The following C12orf42 variants were observed in gnomAD, a reference collection of about 807,000 sequenced individuals.
The protein encoded by C12orf42 is chromosome 12 open reading frame 42, also known as uncharacterized protein C12orf42.
A neutral mutation model predicts 21.6 loss-of-function variants in C12orf42; 25 were observed. That is an observed-to-expected ratio of 1.16 (90% CI 0.84 to 1.62). The LOEUF (loss-of-function observed/expected upper bound fraction) is 1.62. Among genes scored for constraint, C12orf42 ranks in the 40% most tolerant of loss-of-function variants. The pLI is 0.00. For synonymous variants in C12orf42, 174 were observed against 175.0 expected (o/e 0.99, Z 0.05); for missense variants, 483 against 459.3 (o/e 1.05, Z -0.47).
intron 3 of C12orf42, among the ~76,000 whole-genome samples, chr12:103,388,177 G>T (rs992101537): frequency 2.0e-5 from 3 of 152,198 alleles, no homozygotes; most frequent in Non-Finnish European, 4.4e-5. Context: ...AGAAGGGGGG[G>T]TGATAACTCT....
intron 4 of C12orf42, among the ~76,000 whole-genome samples, chr12:103,356,068 T>C (rs1482776255): frequency 6.6e-6 from 1 of 152,080 alleles, no homozygotes; most frequent in Admixed American, 6.6e-5. Flanking sequence ...TAATTAGGAA[T>C]TCAAACTTAA....
chr12:103,386,071 A>T (rs1332265723), intron 3 of C12orf42, among the ~76,000 whole-genome samples: 1 of 152,142 alleles, frequency 6.6e-6, no homozygotes, highest in East Asian at 1.9e-4. Context: ...TCCCACAACA[A>T]CCGTATTAGG....
At chr12:103,433,944 T>C (rs946081813) in intron 2 of C12orf42, among the ~76,000 whole-genome samples, 12 of 152,212 alleles carry the variant, frequency 7.9e-5, no homozygotes, top group African/African-American at 2.7e-4. Flanking sequence ...CCTGAAGAAT[T>C]TGTGAATAAA....
chr12:103,220,421 G>GA, the C12orf42 span, among the ~76,000 whole-genome samples: 18 of 151,872 alleles, frequency 1.2e-4, no homozygotes, highest in Non-Finnish European at 2.1e-4. Flanking sequence ...AGAAAAGGGA[G>GA]AAAGACTGAC....
chr12:103,462,322 G>A (rs1952791336), intron 2 of C12orf42, among the ~76,000 whole-genome samples: 1 of 151,580 alleles, frequency 6.6e-6, no homozygotes. Flanking sequence ...TGTTGGCCAG[G>A]CTGGTCTCGA....
chr12:103,345,205 C>T (rs2042509379), intron 4 of C12orf42, among the ~76,000 whole-genome samples: 1 of 152,142 alleles, frequency 6.6e-6, no homozygotes, highest in Non-Finnish European at 1.5e-5. Context: ...CAGTCATCAA[C>T]ATAAAGCATC....
chr12:103,456,708 A>G (rs564022615), intron 2 of C12orf42, among the ~76,000 whole-genome samples: 1 of 152,166 alleles, frequency 6.6e-6, no homozygotes, highest in Non-Finnish European at 1.5e-5. Flanking sequence ...ATGAAAATCA[A>G]CTATTGCTTA....
chr12:103,166,830 T>A, the C12orf42 span, among the ~76,000 whole-genome samples: 2 of 151,654 alleles, frequency 1.3e-5, no homozygotes, highest in African/African-American at 4.8e-5. Context: ...TTCATCCATC[T>A]TTTTTTTTCC....
At chr12:103,150,640 G>C in the C12orf42 span, among the ~76,000 whole-genome samples, 2 of 152,120 alleles carry the variant, frequency 1.3e-5, no homozygotes, top group Admixed American at 1.3e-4. Context: ...TGGCCCAAGA[G>C]ATTCCTGCTA....
the C12orf42 span, among the ~76,000 whole-genome samples, chr12:103,555,868 C>A: frequency 1.3e-5 from 2 of 152,052 alleles, no homozygotes; most frequent in African/African-American, 2.4e-5. Context: ...ACCTCACCCC[C>A]ACCTGCCACC....
chr12:103,116,767 A>C, the C12orf42 span, among the ~76,000 whole-genome samples: 1 of 152,122 alleles, frequency 6.6e-6, no homozygotes, highest in East Asian at 1.9e-4. Flanking sequence ...GTAGGAAGGT[A>C]TTTTTCTCCC....
chr12:103,272,118 T>C (rs367955002), intron 5 of C12orf42, among the ~76,000 whole-genome samples: 2 of 152,140 alleles, frequency 1.3e-5, no homozygotes, highest in East Asian at 3.9e-4. Context: ...AAGGAGGTGA[T>C]ATGGAAATAG....
At chr12:103,541,632 A>C in the C12orf42 span, among the ~76,000 whole-genome samples, 1 of 152,178 alleles carries the variant, frequency 6.6e-6, no homozygotes, top group Non-Finnish European at 1.5e-5. Flanking sequence ...TGTTTTTATC[A>C]TTATTTTAAA....
At chr12:103,243,411 C>A (rs2033850764) in intron 10 of C12orf42, among the ~76,000 whole-genome samples, 1 of 151,998 alleles carries the variant, frequency 6.6e-6, no homozygotes, top group Non-Finnish European at 1.5e-5. Context: ...CATTCCCATG[C>A]TATATATGCC....
the C12orf42 span, among the ~76,000 whole-genome samples, chr12:103,229,755 T>A: frequency 6.6e-6 from 1 of 152,270 alleles, no homozygotes; most frequent in African/African-American, 2.4e-5. Context: ...TTTTTACTTT[T>A]ATTCTTCTAT....
chr12:103,478,931 A>T (rs553492361), intron 1 of C12orf42, among the ~76,000 whole-genome samples: 1 of 152,294 alleles, frequency 6.6e-6, no homozygotes, highest in African/African-American at 2.4e-5. Flanking sequence ...GGGGATTTTG[A>T]TGTGAACAAT....
intron 4 of C12orf42, among the ~76,000 whole-genome samples, chr12:103,332,226 T>C (rs1468158269): frequency 6.6e-6 from 1 of 152,198 alleles, no homozygotes; most frequent in Admixed American, 6.5e-5. Context: ...ACATTCACCA[T>C]CATTCCATTT....
At chr12:103,470,734 G>A (rs1953533569) in intron 2 of C12orf42, among the ~76,000 whole-genome samples, 1 of 152,140 alleles carries the variant, frequency 6.6e-6, no homozygotes, top group South Asian at 2.1e-4. Flanking sequence ...CCTGTGAGAA[G>A]CACCAATACC....
At chr12:103,539,588 TTTTTC>T in the C12orf42 span, among the ~76,000 whole-genome samples, 1 of 152,090 alleles carries the variant, frequency 6.6e-6, no homozygotes, top group Non-Finnish European at 1.5e-5. Flanking sequence ...AATTTTTTTT[TTTTTC>T]TTTTGAGATG....
Sources: gnomAD v4.1 joint callset for allele counts (sites outside exome capture counted in the v4.1 genomes callset) on GRCh38, gnomAD v4.1.1 for gene constraint, MANE v1.5 for transcripts, NCBI Gene and HGNC (gene_info 2026-07-23, HGNC 2026-07-21) for gene names.